The following SLC25A31 variants were observed in gnomAD, a reference collection of about 807,000 sequenced individuals.
The protein encoded by SLC25A31 is ADP/ATP translocase 4.
A neutral mutation model predicts 36.2 loss-of-function variants in SLC25A31; 40 were observed. That is an observed-to-expected ratio of 1.10 (90% confidence interval 0.86 to 1.44). The LOEUF (loss-of-function observed/expected upper bound fraction) is 1.44. SLC25A31 is among the 40% of genes most tolerant of loss of function. The pLI is 0.00. For missense variants in SLC25A31, 350 were observed against 397.1 expected, an observed-to-expected ratio of 0.88 and a Z score of 1.01; for synonymous variants, 143 against 149.7, an observed-to-expected ratio of 0.96 and a Z score of 0.32.
At chr4:127,767,350 A>G in intron 4 of SLC25A31, 130 bp downstream of exon 4, 1 of 889,144 alleles carries the variant, frequency 1.1e-6, no homozygotes, top group Non-Finnish European at 1.6e-6. Flanking sequence ...GAGAGACATG[A>G]AATTCTGCTT....
intron 3 of SLC25A31, among the ~76,000 whole-genome samples, chr4:127,766,148 A>AT (rs1170394515): frequency 1.7e-3 from 156 of 90,646 alleles, no homozygotes; most frequent in African/African-American, 6.5e-3. Flanking sequence ...GAGTTTTTTT[A>AT]TTTGTTTTTT....
chr4:127,753,608 A>G (rs918381119), intron 2 of SLC25A31, among the ~76,000 whole-genome samples: 1 of 152,190 alleles, frequency 6.6e-6, no homozygotes, highest in Non-Finnish European at 1.5e-5. Flanking sequence ...ATAGAAACAT[A>G]CAACTTATCA....
chr4:127,731,927 T>C (rs1353671060), intron 1 of SLC25A31, among the ~76,000 whole-genome samples: 1 of 152,244 alleles, frequency 6.6e-6, no homozygotes, highest in African/African-American at 2.4e-5. Flanking sequence ...TTACCAGTTT[T>C]TCTTTTTGCA....
chr4:127,754,054 TAGC>T (rs1421504848), intron 2 of SLC25A31, among the ~76,000 whole-genome samples: 2 of 152,014 alleles, frequency 1.3e-5, no homozygotes, highest in African/African-American at 4.8e-5. Context: ...ACAAAAACCA[TAGC>T]AGCATCTGAG....
At chr4:127,748,008 C>T (rs1361080627) in intron 2 of SLC25A31, among the ~76,000 whole-genome samples, 1 of 152,188 alleles carries the variant, frequency 6.6e-6, no homozygotes, top group Non-Finnish European at 1.5e-5. Context: ...CATACGACAA[C>T]ACGTGATGTG....
intron 2 of SLC25A31, among the ~76,000 whole-genome samples, chr4:127,745,510 C>T (rs1445441769): frequency 6.6e-6 from 1 of 152,086 alleles, no homozygotes; most frequent in Admixed American, 6.6e-5. Flanking sequence ...CTTTTTCTCC[C>T]TATTACTCCT....
intron 5 of SLC25A31, among the ~76,000 whole-genome samples, chr4:127,772,852 G>A (rs769580183): frequency 1.3e-5 from 2 of 150,712 alleles, no homozygotes; most frequent in Admixed American, 1.3e-4. Context: ...TGTGATCATG[G>A]CTCACTGCAA....
At position 127,768,751 on chromosome 4, in the gene SLC25A31, G is replaced by T; in HGVS notation, c.634-1G>T. On this transcript the variant is annotated splice_acceptor_variant, in intron 4 of 5. Coordinates refer to ENST00000281154, the MANE Select transcript of SLC25A31 (RefSeq NM_031291.4). LOFTEE classifies it high-confidence loss of function. ...TTACTTGGCACATTTTTCTTTTCTA[G>T]GGTTTATTACCAAAGCCAAAGAAAA... 1.3e-6 allele frequency: 2 copies of T among 1,583,058 alleles called. No individual in the cohort carries two copies. The highest frequency in any genetic ancestry group is 8.6e-7 in the Non-Finnish European group (1 of 1,168,436).
At chr4:127,755,883 A>G (rs1333991352) in intron 2 of SLC25A31, among the ~76,000 whole-genome samples, 1 of 152,198 alleles carries the variant, frequency 6.6e-6, no homozygotes, top group African/African-American at 2.4e-5. Context: ...AAATACAAAA[A>G]TTAGCTGAGC....
chr4:127,731,051 C>A lies in SLC25A31; in HGVS notation c.232+274C>A, dbSNP rs79811208. 3.1e-3 allele frequency among the ~76,000 whole-genome samples: 469 copies of A among 152,294 alleles called. 4 individuals are homozygous for A. The highest frequency in any genetic ancestry group is 0.011 in the African/African-American group (452 of 41,558). ...GCAGTGCGATTTACACCTTGGTGCACCTGTGCCAGGTCCAGAAGGAGAGTG... is the reference window on the plus strand; with the variant it reads ...GCAGTGCGATTTACACCTTGGTGCAACTGTGCCAGGTCCAGAAGGAGAGTG... On this transcript the variant is annotated intron_variant, in intron 1 of 5. Coordinates refer to ENST00000281154, the MANE Select transcript of SLC25A31 (RefSeq NM_031291.4).
At chr4:127,762,970 A>G (rs1466177695) in intron 2 of SLC25A31, among the ~76,000 whole-genome samples, 1 of 151,962 alleles carries the variant, frequency 6.6e-6, no homozygotes, top group Admixed American at 6.6e-5. Flanking sequence ...ATAAATGTAC[A>G]CAAATAATTA....
At chr4:127,749,603 G>A (rs866558174) in intron 2 of SLC25A31, among the ~76,000 whole-genome samples, 52 of 151,864 alleles carry the variant, frequency 3.4e-4, no homozygotes, top group African/African-American at 1.2e-3. Context: ...AATTAGCTGG[G>A]TATGGTGAGG....
rs1731505990 is a variant in SLC25A31, at chr4:127,730,748, A to G, written c.203A>G (p.Asp68Gly). 1 of 1,613,194 alleles carries G rather than the reference A, an allele frequency of 6.2e-7. No homozygotes were observed. Among genetic ancestry groups the G allele is most frequent in the African/African-American group, 1.3e-5 (1 of 74,916 alleles). Residue 68 changes from aspartate (D) to glycine (G), a missense_variant, in exon 1 of 6, where the codon GAC becomes GGC. Physicochemically the swap from Asp to Gly is moderately conservative, Grantham distance 94 (BLOSUM62 -1). Coordinates refer to ENST00000281154, the MANE Select transcript of SLC25A31 (RefSeq NM_031291.4). ...SPEARYKGMVDCLVRIPREQG... is the reference protein window; with the variant it reads ...SPEARYKGMVGCLVRIPREQG... ...GAGGCGCGGTACAAAGGCATGGTGGACTGCCTGGTGCGGATTCCTCGCGAG... is the reference window on the plus strand; with the variant it reads ...GAGGCGCGGTACAAAGGCATGGTGGGCTGCCTGGTGCGGATTCCTCGCGAG...
intron 5 of SLC25A31, among the ~76,000 whole-genome samples, chr4:127,771,804 A>G (rs1193344654): frequency 6.6e-6 from 1 of 152,192 alleles, no homozygotes; most frequent in Non-Finnish European, 1.5e-5. Flanking sequence ...ACAATTTTTA[A>G]TTATGAATGG....
chr4:127,771,309 T>C (rs935567274), intron 5 of SLC25A31, among the ~76,000 whole-genome samples: 1 of 152,130 alleles, frequency 6.6e-6, no homozygotes, highest in Non-Finnish European at 1.5e-5. Context: ...ACTCTTGTGA[T>C]CTCATTTAAT....
At chr4:127,740,505 A>G (rs1037540227) in intron 1 of SLC25A31, among the ~76,000 whole-genome samples, 3 of 152,236 alleles carry the variant, frequency 2.0e-5, no homozygotes, top group African/African-American at 4.8e-5. Context: ...AAACACAGCT[A>G]CATATGTACT....
intron 1 of SLC25A31, among the ~76,000 whole-genome samples, chr4:127,737,923 T>G (rs1336549201): frequency 7.0e-6 from 1 of 143,704 alleles, no homozygotes; most frequent in Non-Finnish European, 1.5e-5. Context: ...TACAGAATTA[T>G]AACTAATAAC....
chr4:127,742,212 C>T (rs1158162006), intron 1 of SLC25A31, among the ~76,000 whole-genome samples: 1 of 152,122 alleles, frequency 6.6e-6, no homozygotes, highest in Admixed American at 6.5e-5. Context: ...TTTATTGTTT[C>T]TCATCAATAA....
Position 127,744,733 on chromosome 4 carries a change from T to C in SLC25A31, c.294T>C (p.Ala98=). Reference sequence around the variant, plus strand: ...TTATTCGGTATTTTCCAACACAAGCTCTAAACTTTGCTTTTAAGGACAAAT... The same window carrying C: ...TTATTCGGTATTTTCCAACACAAGCCCTAAACTTTGCTTTTAAGGACAAAT... ...ANVIRYFPTQ[A]LNFAFKDKYK... The change falls in exon 2 of 6, where the codon GCT becomes GCC. Residue 98 remains alanine (A), a synonymous_variant. Transcript: ENST00000281154. 3 of 1,604,606 alleles carry C rather than the reference T, an allele frequency of 1.9e-6. No individual in the cohort carries two copies. Among genetic ancestry groups the C allele is most frequent in the Non-Finnish European group, 2.6e-6 (3 of 1,174,642 alleles).
Sources: gnomAD v4.1 joint callset for allele counts (sites outside exome capture counted in the v4.1 genomes callset) on GRCh38, gnomAD v4.1.1 for gene constraint, MANE v1.5 for transcripts, NCBI Gene and HGNC (gene_info 2026-07-23, HGNC 2026-07-21) for gene names.